The following DLG2 variants were observed in gnomAD, a reference collection of about 807,000 sequenced individuals.
DLG2 encodes discs large MAGUK scaffold protein 2.
A neutral mutation model predicts 132.5 loss-of-function variants in DLG2; 45 were observed. That is an observed-to-expected ratio of 0.34 (90% CI 0.27 to 0.44). The LOEUF is 0.44. Among genes scored for constraint, DLG2 ranks in the 20% least tolerant of loss-of-function variants. The pLI, the probability that DLG2 is intolerant of heterozygous loss-of-function variation, is 1.00. For synonymous variants in DLG2, 424 were observed against 419.6 expected (o/e 1.01, Z -0.13); for missense variants, 1,045 against 1,196.9 (o/e 0.87, Z 1.87).
chr11:84,853,208 T>C (rs2082361104), intron 6 of DLG2, among the ~76,000 whole-genome samples: 1 of 152,030 alleles, frequency 6.6e-6, no homozygotes, highest in Admixed American at 6.6e-5. Context: ...CCCTATTTGC[T>C]TCTTTGATAG....
intron 12 of DLG2, among the ~76,000 whole-genome samples, chr11:83,972,488 C>T (rs1381751989): frequency 6.6e-6 from 1 of 151,962 alleles, no homozygotes; most frequent in Non-Finnish European, 1.5e-5. Flanking sequence ...ATTATCAATC[C>T]CTATATTGTG....
intron 3 of DLG2, among the ~76,000 whole-genome samples, chr11:85,349,072 G>C (rs796870205): frequency 1.3e-5 from 2 of 152,240 alleles, no homozygotes; most frequent in African/African-American, 4.8e-5. Context: ...GATTGGAATG[G>C]GTGGTTGGAC....
chr11:84,927,832 T>C (rs2047580246), intron 6 of DLG2, among the ~76,000 whole-genome samples: 2 of 152,104 alleles, frequency 1.3e-5, no homozygotes, highest in East Asian at 3.9e-4. Context: ...CAAAGTGCAG[T>C]CTTTGGGCTA....
At chr11:84,781,988 A>G (rs972414756) in intron 6 of DLG2, among the ~76,000 whole-genome samples, 2 of 152,120 alleles carry the variant, frequency 1.3e-5, no homozygotes, top group African/African-American at 4.8e-5. Flanking sequence ...GAGCCAAGTC[A>G]TCGATCTCTA....
intron 21 of DLG2, among the ~76,000 whole-genome samples, chr11:83,485,690 T>C (rs1281066838): frequency 1.3e-5 from 2 of 152,204 alleles, no homozygotes; most frequent in Non-Finnish European, 2.9e-5. Context: ...TTTTGTCCCA[T>C]TGCTGGGAAT....
chr11:83,860,461 C>T (rs538783854), intron 16 of DLG2, among the ~76,000 whole-genome samples: 10 of 152,298 alleles, frequency 6.6e-5, no homozygotes, highest in Admixed American at 2.6e-4. Flanking sequence ...GGATTTTAGA[C>T]TTGCATGAGG....
intron 7 of DLG2, chr11:84,437,737 A>G (rs1235696718): frequency 2.0e-5 from 3 of 152,346 alleles, no homozygotes; most frequent in African/African-American, 7.2e-5. Flanking sequence ...CAGCTCACAC[A>G]CATCCAGTTG....
At chr11:84,874,468 G>T (rs1469896828) in intron 6 of DLG2, among the ~76,000 whole-genome samples, 1 of 152,156 alleles carries the variant, frequency 6.6e-6, no homozygotes, top group African/African-American at 2.4e-5. Context: ...AAGGCTGGCA[G>T]GGGGTAATCA....
chr11:84,092,461 C>A (rs1454890676), intron 10 of DLG2, among the ~76,000 whole-genome samples: 1 of 152,150 alleles, frequency 6.6e-6, no homozygotes, highest in East Asian at 1.9e-4. Context: ...TAAAAAGGGG[C>A]CCAAAGTCAC....
chr11:83,899,931 G>T (rs540039076), intron 15 of DLG2, among the ~76,000 whole-genome samples: 13 of 152,204 alleles, frequency 8.5e-5, no homozygotes, highest in Non-Finnish European at 1.5e-4. Flanking sequence ...ACTCCCTAGA[G>T]ACTGGTTGAA....
chr11:84,024,656 A>ATAT (rs1320479759), intron 11 of DLG2, among the ~76,000 whole-genome samples: 1 of 152,186 alleles, frequency 6.6e-6, no homozygotes, highest in Admixed American at 6.6e-5. Flanking sequence ...AGTCCAGCAA[A>ATAT]TATAAACACT....
chr11:83,513,663 T>G (rs184291065), intron 21 of DLG2, among the ~76,000 whole-genome samples: 8 of 152,208 alleles, frequency 5.3e-5, no homozygotes, highest in African/African-American at 1.4e-4. Context: ...TGGTTTTAGA[T>G]CTAACATTTA....
At chr11:85,208,030 T>C (rs1023711882) in intron 4 of DLG2, among the ~76,000 whole-genome samples, 1 of 152,106 alleles carries the variant, frequency 6.6e-6, no homozygotes, top group Non-Finnish European at 1.5e-5. Context: ...TAATAGTACA[T>C]AGCTACCAGC....
chr11:83,505,375 C>T (rs2094641486), intron 21 of DLG2, among the ~76,000 whole-genome samples: 1 of 152,200 alleles, frequency 6.6e-6, no homozygotes, highest in African/African-American at 2.4e-5. Context: ...ATCTCCATCC[C>T]TGCCACCATG....
intron 18 of DLG2, among the ~76,000 whole-genome samples, chr11:83,762,603 C>T (rs1181533392): frequency 4.7e-5 from 7 of 148,242 alleles, no homozygotes; most frequent in African/African-American, 1.0e-4. Context: ...TTTTTTGAGA[C>T]GGAGTCTTGC....
In DLG2 at chr11:84,734,525, A is replaced by T. The variant is rs531601123; in HGVS notation, c.358-199794T>A. 3.5e-4 allele frequency among the ~76,000 whole-genome samples: 53 copies of T among 152,298 alleles called. No individual in the cohort carries two copies. The South Asian group carries it at 4.4e-3, about 13-fold the overall frequency. ...TTTGCTGAAGTTGCTTATCAGCTTA[A>T]GGAGATTTTGGGCTGAGACGATGGG... On this transcript the variant is annotated intron_variant, in intron 6 of 27. Coordinates refer to ENST00000376104, the MANE Select transcript of DLG2 (RefSeq NM_001142699.3).
chr11:84,849,372 A>G (rs1029397320), intron 6 of DLG2, among the ~76,000 whole-genome samples: 1 of 152,198 alleles, frequency 6.6e-6, no homozygotes, highest in African/African-American at 2.4e-5. Flanking sequence ...ATTAACAGAT[A>G]GAATACCATC....
At position 84,476,140 on chromosome 11, in the gene DLG2, C is replaced by T. The variant is rs543452881; in HGVS notation, c.519+58430G>A. On this transcript the variant is annotated intron_variant, in intron 7 of 27. Transcript: ENST00000376104. ...TGTATTTATTTTATACATGAGTACC[C>T]TGTTGTTCAGAGAAGTTAGGAAACT... 2.0e-5 allele frequency among the ~76,000 whole-genome samples: 3 copies of T among 152,076 alleles called. No individual in the cohort carries two copies. The South Asian group carries it at 6.2e-4, about 32-fold the overall frequency.
chr11:83,745,596 G>A (rs1478954598), intron 18 of DLG2, among the ~76,000 whole-genome samples: 7 of 152,090 alleles, frequency 4.6e-5, no homozygotes, highest in African/African-American at 1.7e-4. Context: ...AAGGTCAGGA[G>A]TTCGAGACCA....
Sources: gnomAD v4.1 joint callset for allele counts (sites outside exome capture counted in the v4.1 genomes callset) on GRCh38, gnomAD v4.1.1 for gene constraint, MANE v1.5 for transcripts, NCBI Gene and HGNC (gene_info 2026-07-23, HGNC 2026-07-21) for gene names.